ZBTB20: variants seen among roughly 807,000 people sequenced by gnomAD.
ZBTB20 encodes the protein zinc finger and BTB domain-containing protein 20.
In ZBTB20, 9 loss-of-function variants were observed where a neutral mutation model predicts 56.9. The ratio of observed to expected loss-of-function variants is 0.16; its 90% CI spans 0.10 to 0.28. The LOEUF is 0.28. ZBTB20 is among the 10% of genes least tolerant of loss of function. ZBTB20 has a pLI of 1.00. For synonymous variants in ZBTB20, 417 were observed against 420.7 expected (o/e 0.99, Z 0.11); for missense variants, 655 against 1,003.0 (o/e 0.65, Z 4.69).
chr3:115,111,324 A>G (rs552802692), intron 1 of ZBTB20, among the ~76,000 whole-genome samples: 1 of 152,258 alleles, frequency 6.6e-6, no homozygotes, highest in African/African-American at 2.4e-5. Flanking sequence ...AATTACAAAA[A>G]GAGTTATGAA....
intron 11 of ZBTB20, among the ~76,000 whole-genome samples, chr3:114,349,813 C>T (rs1466162909): frequency 3.3e-5 from 5 of 152,162 alleles, no homozygotes; most frequent in Admixed American, 6.5e-5. Context: ...AGGCGTATCA[C>T]GATTATTCTC....
chr3:114,845,606 C>G (rs1039482827), intron 4 of ZBTB20, among the ~76,000 whole-genome samples: 1 of 151,754 alleles, frequency 6.6e-6, no homozygotes, highest in African/African-American at 2.4e-5. Context: ...TGTAAATAAG[C>G]CTCAGGATGA....
At chr3:114,741,391 A>G (rs2066560846) in intron 5 of ZBTB20, among the ~76,000 whole-genome samples, 1 of 152,180 alleles carries the variant, frequency 6.6e-6, no homozygotes, top group Non-Finnish European at 1.5e-5. Context: ...TGTCCACCCA[A>G]AAACATAATT....
chr3:114,975,302 T>C (rs1274126475), intron 2 of ZBTB20, among the ~76,000 whole-genome samples: 1 of 152,184 alleles, frequency 6.6e-6, no homozygotes, highest in Non-Finnish European at 1.5e-5. Context: ...ATGACCTTGA[T>C]GCCACATTTA....
intron 3 of ZBTB20, among the ~76,000 whole-genome samples, chr3:114,908,342 A>G (rs2075396483): frequency 6.6e-6 from 1 of 152,092 alleles, no homozygotes; most frequent in South Asian, 2.1e-4. Flanking sequence ...TCAAGAAGAT[A>G]GAGCTAGGGT....
intron 2 of ZBTB20, among the ~76,000 whole-genome samples, chr3:114,990,774 A>T (rs913496987): frequency 2.6e-5 from 4 of 152,114 alleles, no homozygotes; most frequent in Admixed American, 6.5e-5. Flanking sequence ...TTATTGCCTC[A>T]ATTTCAGAGC....
At chr3:114,663,485 G>A (rs1230418260) in intron 6 of ZBTB20, among the ~76,000 whole-genome samples, 2 of 147,330 alleles carry the variant, frequency 1.4e-5, no homozygotes, top group Admixed American at 6.8e-5. Context: ...ATCAACTAAC[G>A]AGCAAAATCA....
At chr3:114,920,830 T>C (rs1296945093) in intron 3 of ZBTB20, among the ~76,000 whole-genome samples, 1 of 151,918 alleles carries the variant, frequency 6.6e-6, no homozygotes, top group Non-Finnish European at 1.5e-5. Context: ...TGAAGACAGA[T>C]AAATCTTTAG....
intron 7 of ZBTB20, among the ~76,000 whole-genome samples, chr3:114,481,809 AG>A (rs541501527): frequency 2.6e-4 from 40 of 152,224 alleles, no homozygotes; most frequent in Non-Finnish European, 4.8e-4. Flanking sequence ...CTGGGTCACC[AG>A]GGAAGCTGGA....
chr3:114,758,386 A>C (rs997498690), intron 5 of ZBTB20, among the ~76,000 whole-genome samples: 1 of 152,176 alleles, frequency 6.6e-6, no homozygotes, highest in Non-Finnish European at 1.5e-5. Context: ...AGGACACTTT[A>C]GTTATTATAG....
In ZBTB20 at chr3:115,079,902, A is replaced by T. The variant is rs78981022; in HGVS notation, c.-702-8488T>A. 7.0e-4 allele frequency among the ~76,000 whole-genome samples: 107 copies of T among 152,276 alleles called. No homozygotes were observed. The East Asian group carries it at 0.017, about 24-fold the overall frequency. ...GGATACTAGAAATAGAGTGCCTACA[A>T]TGTGCTGGGGAAAATATTAGGTGTT... On this transcript the variant is annotated intron_variant, in intron 1 of 11. Coordinates refer to ENST00000675478, the MANE Select transcript of ZBTB20 (RefSeq NM_001348800.3).
chr3:114,409,339 C>T (rs1299448817), intron 7 of ZBTB20, among the ~76,000 whole-genome samples: 1 of 151,872 alleles, frequency 6.6e-6, no homozygotes. Context: ...ATTTGATTTA[C>T]CTAGATTAAA....
chr3:115,143,214 T>C (rs941995373), intron 1 of ZBTB20, among the ~76,000 whole-genome samples: 2 of 152,216 alleles, frequency 1.3e-5, no homozygotes, highest in African/African-American at 4.8e-5. Context: ...TCTTCTGTAA[T>C]GTTCCTCTTG....
intron 5 of ZBTB20, among the ~76,000 whole-genome samples, chr3:114,746,124 C>T (rs1372285902): frequency 1.3e-5 from 2 of 152,176 alleles, no homozygotes; most frequent in South Asian, 2.1e-4. Flanking sequence ...TCAGATTGCC[C>T]TGGGCAATTG....
intron 6 of ZBTB20, among the ~76,000 whole-genome samples, chr3:114,633,852 A>G (rs1295351975): frequency 6.6e-6 from 1 of 152,178 alleles, no homozygotes; most frequent in African/African-American, 2.4e-5. Context: ...AAAGGAATAA[A>G]TTTCTTCCAC....
intron 6 of ZBTB20, among the ~76,000 whole-genome samples, chr3:114,627,026 A>C (rs1466154445): frequency 6.6e-6 from 1 of 152,152 alleles, no homozygotes; most frequent in African/African-American, 2.4e-5. Context: ...TCTTCATGGA[A>C]TAGTGGTTGT....
At chr3:114,812,441 G>A (rs924048858) in intron 4 of ZBTB20, among the ~76,000 whole-genome samples, 1 of 152,046 alleles carries the variant, frequency 6.6e-6, no homozygotes, top group Admixed American at 6.6e-5. Flanking sequence ...GGTGCTGATT[G>A]GTGTGTTTAC....
In ZBTB20 at chr3:114,486,141, G is replaced by GGGT. The variant is rs2042120322; in HGVS notation, c.-255+14210_-255+14211insACC. ...AAGAGTGTGTGTGTGTGTGTGTGGGGGGGGGGGGCGGTGTATGAATTCCTG... is the reference window on the plus strand; with the variant it reads ...AAGAGTGTGTGTGTGTGTGTGTGGGGGGTGGGGGGGGCGGTGTATGAATTCCTG... On this transcript the variant is annotated intron_variant, in intron 7 of 11. Coordinates refer to ENST00000675478, the MANE Select transcript of ZBTB20 (RefSeq NM_001348800.3). 8.7e-5 allele frequency among the ~76,000 whole-genome samples: 8 copies of GGGT among 91,592 alleles called. 2 individuals are homozygous for GGGT. The highest frequency in any genetic ancestry group is 8.1e-4 in the Admixed American group (7 of 8,666). 60.1% of individuals were successfully genotyped at this position (91,592 alleles called of 152,430 possible).
intron 6 of ZBTB20, among the ~76,000 whole-genome samples, chr3:114,615,789 C>G (rs1055905595): frequency 6.6e-6 from 1 of 152,156 alleles, no homozygotes; most frequent in African/African-American, 2.4e-5. Flanking sequence ...TATGTATAGG[C>G]AGGAGTCCCC....
Sources: gnomAD v4.1 joint callset for allele counts (sites outside exome capture counted in the v4.1 genomes callset) on GRCh38, gnomAD v4.1.1 for gene constraint, MANE v1.5 for transcripts, NCBI Gene and HGNC (gene_info 2026-07-23, HGNC 2026-07-21) for gene names.